Variants in MAPK10 observed in about 807,000 individuals in gnomAD.
MAPK10 encodes JNK3 alpha protein kinase.
In MAPK10, 25 loss-of-function variants were observed where a neutral mutation model predicts 59.3. The observed-to-expected ratio is 0.42, with a 90% CI of 0.31 to 0.59. The LOEUF (loss-of-function observed/expected upper bound fraction) is 0.59. Among genes scored for constraint, MAPK10 ranks in the 20% least tolerant of loss-of-function variants. The pLI is 0.15. For missense variants in MAPK10, 351 were observed against 568.9 expected (o/e 0.62, Z 3.90); for synonymous variants, 190 against 200.5 (o/e 0.95, Z 0.44).
intron 2 of MAPK10, among the ~76,000 whole-genome samples, chr4:86,250,279 A>G (rs2093344091): frequency 6.6e-6 from 1 of 152,170 alleles, no homozygotes; most frequent in African/African-American, 2.4e-5. Flanking sequence ...CTCTCCAGTA[A>G]TCACAGAGGC....
chr4:86,506,578 A>G (rs568737901), intron 1 of MAPK10, among the ~76,000 whole-genome samples: 3 of 152,270 alleles, frequency 2.0e-5, no homozygotes, highest in Admixed American at 1.3e-4. Context: ...CAAAGATCCA[A>G]CTACAAATAG....
chr4:86,372,594 A>AAAAGAAAAGAAAAGG (rs1315879759), intron 1 of MAPK10, among the ~76,000 whole-genome samples: 2 of 151,654 alleles, frequency 1.3e-5, no homozygotes, highest in African/African-American at 4.9e-5. Flanking sequence ...AAAAGAAAAG[A>AAAAGAAAAGAAAAGG]AAAGGAAAGA....
intron 2 of MAPK10, chr4:86,326,604 C>G (rs1662226969): frequency 6.6e-6 from 1 of 152,140 alleles, no homozygotes; most frequent in Admixed American, 6.6e-5. Flanking sequence ...AAGTAATATA[C>G]CCCTGGAGTC....
At chr4:86,591,012 C>T (rs1318806902) in intron 1 of MAPK10, among the ~76,000 whole-genome samples, 4 of 152,132 alleles carry the variant, frequency 2.6e-5, no homozygotes, top group Admixed American at 2.0e-4. Flanking sequence ...ATCATAGGCA[C>T]AATCATAGTC....
At chr4:86,099,252 A>T (rs1409828493) in intron 8 of MAPK10, 2 of 152,372 alleles carry the variant, frequency 1.3e-5, no homozygotes, top group Non-Finnish European at 1.5e-5. Flanking sequence ...GAAAAAAGAC[A>T]TATGATGAAT....
intron 1 of MAPK10, among the ~76,000 whole-genome samples, chr4:86,421,709 C>T (rs1357843589): frequency 6.6e-6 from 1 of 152,140 alleles, no homozygotes; most frequent in Non-Finnish European, 1.5e-5. Context: ...TGGCTGTGGG[C>T]AGATCTCAGC....
chr4:86,219,477 G>C (rs1008679409), intron 2 of MAPK10, among the ~76,000 whole-genome samples: 3 of 152,070 alleles, frequency 2.0e-5, no homozygotes, highest in Non-Finnish European at 2.9e-5. Flanking sequence ...AGCAGAATAA[G>C]CCATAAATTC....
intron 1 of MAPK10, among the ~76,000 whole-genome samples, chr4:86,513,687 C>G (rs540561521): frequency 6.6e-6 from 1 of 152,224 alleles, no homozygotes; most frequent in Non-Finnish European, 1.5e-5. Flanking sequence ...TGACTCAAAA[C>G]TTTTATACAA....
chr4:86,325,767 TATA>T (rs574600976), intron 2 of MAPK10: 1 of 152,170 alleles, frequency 6.6e-6, no homozygotes, highest in African/African-American at 2.4e-5. Flanking sequence ...TAAAATGACT[TATA>T]ATAGTAATAC....
At chr4:86,545,731 G>C (rs1759098771) in intron 1 of MAPK10, among the ~76,000 whole-genome samples, 1 of 152,136 alleles carries the variant, frequency 6.6e-6, no homozygotes, top group Non-Finnish European at 1.5e-5. Flanking sequence ...ATACATTTTA[G>C]CACTTCAAAT....
chr4:86,411,791 G>A (rs763431427), intron 1 of MAPK10, among the ~76,000 whole-genome samples: 10 of 152,256 alleles, frequency 6.6e-5, no homozygotes, highest in Non-Finnish European at 1.0e-4. Flanking sequence ...GTCTATGTGC[G>A]TCTTCGCCTG....
intron 1 of MAPK10, among the ~76,000 whole-genome samples, chr4:86,580,089 G>A (rs1259220008): frequency 3.3e-5 from 5 of 152,128 alleles, no homozygotes; most frequent in Non-Finnish European, 7.3e-5. Context: ...TTACCAGTGT[G>A]AGACACCGTC....
intron 1 of MAPK10, among the ~76,000 whole-genome samples, chr4:86,420,966 C>T (rs1746453554): frequency 6.6e-6 from 1 of 151,826 alleles, no homozygotes; most frequent in Admixed American, 6.6e-5. Context: ...CCTATAATCC[C>T]AACTGCTTGG....
At position 86,339,589 on chromosome 4, in the gene MAPK10, G is replaced by A. The variant is rs533516735; in HGVS notation, c.-7+14941C>T. On this transcript the variant is annotated intron_variant, in intron 2 of 13. Coordinates refer to ENST00000641462, the MANE Select transcript of MAPK10 (RefSeq NM_138982.4). ...CAACTATTTCCTTTATTGTTGTAGA[G>A]CATAATGGATAAATGCACAGATTTT... Among the ~76,000 whole-genome samples the A allele has an allele frequency of 3.9e-5, 6 of 152,244 alleles. No homozygotes were observed. The South Asian group carries it at 6.2e-4, about 16-fold the overall frequency.
chr4:86,195,429 G>T (rs78064602), intron 2 of MAPK10, among the ~76,000 whole-genome samples: 12,936 of 151,884 alleles, frequency 0.085, 1,220 homozygotes, highest in African/African-American at 0.23. Flanking sequence ...ATAGCTGAGT[G>T]GTCAAAAATA....
At chr4:86,306,719 T>C (rs543186296) in intron 2 of MAPK10, among the ~76,000 whole-genome samples, 191 of 152,142 alleles carry the variant, frequency 1.3e-3, no homozygotes, top group Middle Eastern at 3.4e-3. Flanking sequence ...CAAAGAAAAA[T>C]GTGGCATATA....
At chr4:86,051,069 G>A (rs1280394898) in intron 11 of MAPK10, among the ~76,000 whole-genome samples, 1 of 152,116 alleles carries the variant, frequency 6.6e-6, no homozygotes, top group African/African-American at 2.4e-5. Flanking sequence ...TTGAACTCAT[G>A]TTGTTTTACA....
chr4:86,569,927 C>G (rs1008307521), intron 1 of MAPK10, among the ~76,000 whole-genome samples: 2 of 152,076 alleles, frequency 1.3e-5, no homozygotes, highest in Non-Finnish European at 2.9e-5. Context: ...TGTAACACAA[C>G]TGTACTTGTA....
chr4:86,288,166 T>G (rs959839653), intron 2 of MAPK10, among the ~76,000 whole-genome samples: 137 of 150,304 alleles, frequency 9.1e-4, no homozygotes, highest in Non-Finnish European at 1.6e-3. Flanking sequence ...ATGTTTTTTG[T>G]TTTTTTTTAA....
Sources: allele counts gnomAD v4.1 joint callset (sites outside exome capture counted in the v4.1 genomes callset), GRCh38; gene constraint gnomAD v4.1.1; transcripts MANE v1.5; gene names NCBI Gene and HGNC (gene_info 2026-07-23, HGNC 2026-07-21).